The following TK1 variants were observed in gnomAD, a reference collection of about 807,000 sequenced individuals.
The protein encoded by TK1 is thymidine kinase 1, also known as thymidine kinase, cytosolic.
Under a neutral mutation model 22.4 loss-of-function variants are expected in TK1, and 13 were observed. The observed-to-expected ratio is 0.58, with a 90% confidence interval of 0.38 to 0.92. TK1 has a LOEUF of 0.92. TK1 is among the 40% of genes least tolerant of loss of function. TK1 has a pLI of 0.00. For missense variants in TK1, 251 were observed against 315.7 expected (o/e 0.80, Z 1.55); for synonymous variants, 134 against 125.4 (o/e 1.07, Z -0.46).
chr17:78,175,563 A>G lies in TK1; in HGVS notation c.359T>C (p.Ile120Thr), dbSNP rs2075692786. ...GAAGGTCCCATCCAGTGCAGCCACA[A>G]TTACGGTCTTCCCGGCGTTGGCCAT... ...EAMANAGKTV[I>T]VAALDGTFQR... Residue 120 changes from isoleucine (I) to threonine (T), a missense_variant, in exon 5 of 7, where the codon ATT becomes ACT. Transcript: ENST00000301634. 1.9e-6 allele frequency: 3 copies of G among 1,613,786 alleles called. No individual in the cohort carries two copies. The highest frequency in any genetic ancestry group is 2.7e-5 in the African/African-American group (2 of 75,028).
upstream of TK1, chr17:78,187,105 C>T: frequency 8.0e-7 from 1 of 1,245,660 alleles, no homozygotes. Context: ...CAATCACGAG[C>T]CGGCCCCGCC....
At position 78,179,381 on chromosome 17, in the gene TK1, G is replaced by A. The variant is rs781436891; in HGVS notation, c.303+3208C>T. ...GGGGCAGCAACAACGACGTCTCCACGTACGCAGAGGCATGGGGGTGCTCAG... is the reference window on the plus strand; with the variant it reads ...GGGGCAGCAACAACGACGTCTCCACATACGCAGAGGCATGGGGGTGCTCAG... On this transcript the variant is annotated intron_variant, in intron 4 of 6. Transcript: ENST00000301634. 10 of 985,240 alleles carry A rather than the reference G, an allele frequency of 1.0e-5. No individual in the cohort carries two copies. In the Admixed American group the frequency reaches 1.8e-4, roughly 18 times the overall value. The allele number at this position is 985,240 out of a possible 1,614,324, so 61.0% of individuals were successfully genotyped here.
upstream of TK1, chr17:78,187,068 G>A (rs1489283332): frequency 1.3e-6 from 2 of 1,500,488 alleles, no homozygotes; most frequent in Non-Finnish European, 1.8e-6. Context: ...TTCCCGCGCC[G>A]ACCGCTTTAA....
Position 78,185,137 on chromosome 17 carries a change from A to G in TK1, c.127T>C (p.Phe43Leu), listed in dbSNP as rs1230068538. The G allele has an allele frequency of 6.2e-7, 1 of 1,611,772 alleles. No homozygotes were observed. Among genetic ancestry groups the G allele is most frequent in the Admixed American group, 1.7e-5 (1 of 59,534 alleles). The change falls in exon 3 of 7, where the codon TTC becomes CTC. Residue 43 changes from phenylalanine (F) to leucine (L), a missense_variant. Phe to Leu is a conservative substitution (Grantham distance 22). Transcript: ENST00000301634. ...AGGCACTTGTACTGAGCAATCTGGAAGCGACGGACGCGTCTCATCAACTCT... is the reference window on the plus strand; with the variant it reads ...AGGCACTTGTACTGAGCAATCTGGAGGCGACGGACGCGTCTCATCAACTCT... Reference protein sequence around the residue: ...STELMRRVRRFQIAQYKCLVI... With the variant: ...STELMRRVRRLQIAQYKCLVI...
chr17:78,178,747 C>A (rs1248255394), intron 4 of TK1, among the ~76,000 whole-genome samples: 1 of 152,142 alleles, frequency 6.6e-6, no homozygotes, highest in South Asian at 2.1e-4. Flanking sequence ...CGGGTTCAAG[C>A]GATTCTCCTG....
chr17:78,184,523 A>C lies in TK1; in HGVS notation c.209+532T>G, dbSNP rs569984419. On this transcript the variant is annotated intron_variant, in intron 3 of 6. Coordinates refer to ENST00000301634, the MANE Select transcript of TK1 (RefSeq NM_003258.5). ...CAGCGAGCTCAAACAGCTACACATA[A>C]AACAGGGAAGCGTGAAGGCTGCCAG... Among the ~76,000 whole-genome samples the C allele has an allele frequency of 2.0e-5, 3 of 152,238 alleles. No individual in the cohort carries two copies. The South Asian group carries it at 6.2e-4, about 32-fold the overall frequency.
chr17:78,179,355 C>T (rs181932278), intron 4 of TK1: 6 of 985,396 alleles, frequency 6.1e-6, no homozygotes, highest in East Asian at 1.1e-4. Flanking sequence ...CCCTCAAGCA[C>T]GGGGCAGCAA....
At chr17:78,176,607 C>T (rs1388520834) in intron 4 of TK1, among the ~76,000 whole-genome samples, 1 of 152,142 alleles carries the variant, frequency 6.6e-6, no homozygotes, top group Non-Finnish European at 1.5e-5. Context: ...CACGCCAGGG[C>T]CCCTCCCCAC....
chr17:78,182,390 G>C (rs990753666), intron 4 of TK1, among the ~76,000 whole-genome samples, 199 bp downstream of exon 4: 6 of 145,360 alleles, frequency 4.1e-5, no homozygotes, highest in Non-Finnish European at 7.6e-5. Flanking sequence ...AAAAAAAAAA[G>C]TAAAACGAAT....
intron 3 of TK1, among the ~76,000 whole-genome samples, chr17:78,184,315 C>T (rs72898268): frequency 0.11 from 17,225 of 152,250 alleles, 1,324 homozygotes; most frequent in Non-Finnish European, 0.16. Flanking sequence ...GATACAGCTC[C>T]CAGCCAGGGC....
At chr17:78,184,501 C>T (rs1211496218) in intron 3 of TK1, among the ~76,000 whole-genome samples, 3 of 152,210 alleles carry the variant, frequency 2.0e-5, no homozygotes, top group Non-Finnish European at 4.4e-5. Flanking sequence ...AAATGTCCAG[C>T]GAGCTCAAAC....
At chr17:78,186,648 G>GA in intron 2 of TK1, 139 bp downstream of exon 2, 1 of 902,080 alleles carries the variant, frequency 1.1e-6, no homozygotes, top group Non-Finnish European at 1.7e-6. Context: ...AGGAGGCTGT[G>GA]CTGGTCCTTC....
intron 4 of TK1, among the ~76,000 whole-genome samples, chr17:78,177,823 C>T (rs2075711776): frequency 6.6e-6 from 1 of 151,754 alleles, no homozygotes; most frequent in South Asian, 2.1e-4. Context: ...ATTCACCCAC[C>T]TCGGCCTCCC....
intron 3 of TK1, among the ~76,000 whole-genome samples, chr17:78,182,905 C>T (rs1255917157): frequency 2.0e-5 from 3 of 152,228 alleles, no homozygotes; most frequent in Admixed American, 6.5e-5. Flanking sequence ...GTCACCCAGG[C>T]TGGAGTGCAG....
At chr17:78,186,682 G>A (rs1334116726) in intron 2 of TK1, 105 bp downstream of exon 2, 18 of 1,024,430 alleles carry the variant, frequency 1.8e-5, no homozygotes, top group Non-Finnish European at 2.4e-5. Context: ...GGGGAGGGAA[G>A]GGAAGGGGAG....
intron 4 of TK1, among the ~76,000 whole-genome samples, chr17:78,176,814 C>G (rs1313912918): frequency 6.6e-6 from 1 of 152,160 alleles, no homozygotes; most frequent in Non-Finnish European, 1.5e-5. Flanking sequence ...GGCTGCGTCC[C>G]TCGCCCCCAC....
At chr17:78,186,850 C>T (rs371793574) in intron 1 of TK1, 32 bp from the exon 2 acceptor site, 1 of 1,573,582 alleles carries the variant, frequency 6.4e-7, no homozygotes, top group Non-Finnish European at 8.6e-7. Flanking sequence ...TTTGAGGGCC[C>T]GCCCTGCGCG....
intron 4 of TK1, among the ~76,000 whole-genome samples, chr17:78,180,367 T>A (rs1370698953): frequency 2.6e-5 from 4 of 152,246 alleles, no homozygotes; most frequent in Admixed American, 1.3e-4. Flanking sequence ...CACCACATTG[T>A]GTACTTCGAG....
At chr17:78,181,602 A>C (rs1469134121) in intron 4 of TK1, among the ~76,000 whole-genome samples, 1 of 152,000 alleles carries the variant, frequency 6.6e-6, no homozygotes, top group East Asian at 1.9e-4. Flanking sequence ...AGCTTAAACT[A>C]GATGACAAAA....
Sources: gnomAD v4.1 joint callset for allele counts (sites outside exome capture counted in the v4.1 genomes callset) on GRCh38, gnomAD v4.1.1 for gene constraint, MANE v1.5 for transcripts, NCBI Gene and HGNC (gene_info 2026-07-23, HGNC 2026-07-21) for gene names.